FAM110B: variants seen among roughly 807,000 people sequenced by gnomAD.
FAM110B encodes family with sequence similarity 110 member B.
In FAM110B, 6 loss-of-function variants were observed where a neutral mutation model predicts 20.4. That is an observed-to-expected ratio of 0.29 (90% CI 0.16 to 0.58). FAM110B has a LOEUF of 0.58. Ranked by LOEUF, FAM110B falls within the 20% of genes least tolerant of loss-of-function variation. FAM110B has a pLI of 0.90. For missense variants in FAM110B, 434 were observed against 498.2 expected (o/e 0.87, Z 1.23); for synonymous variants, 226 against 214.1 (o/e 1.06, Z -0.49).
chr8:58,022,487 T>G (rs1455570739), intron 1 of FAM110B, among the ~76,000 whole-genome samples: 1 of 152,212 alleles, frequency 6.6e-6, no homozygotes, highest in East Asian at 1.9e-4. Context: ...CTTACTCCAC[T>G]GAACTGTATA....
chr8:58,026,015 A>G (rs922467012), intron 1 of FAM110B, among the ~76,000 whole-genome samples: 2 of 152,204 alleles, frequency 1.3e-5, no homozygotes, highest in Admixed American at 6.5e-5. Context: ...TAGCAACACT[A>G]TACAAGATTC....
chr8:58,119,286 G>A (rs1272726131), intron 3 of FAM110B, among the ~76,000 whole-genome samples: 1 of 152,220 alleles, frequency 6.6e-6, no homozygotes, highest in Non-Finnish European at 1.5e-5. Context: ...CTGAAGGCTG[G>A]AATGTCCAAG....
Position 58,146,950 on chromosome 8 carries a change from G to T in FAM110B, c.720G>T (p.Glu240Asp). Residue 240 changes from glutamate (E) to aspartate (D), a missense_variant, in exon 4 of 4, where the codon GAG becomes GAT. Glu to Asp is a conservative substitution (Grantham distance 45, BLOSUM62 2). Coordinates refer to ENST00000519262, the MANE Select transcript of FAM110B (RefSeq NM_001377989.1). Reference sequence around the variant, plus strand: ...CCATCGCCTCCATGAAGTCCCCCGAGGCCGACCCTGTGGAACCAGCTTGTG... The same window carrying T: ...CCATCGCCTCCATGAAGTCCCCCGATGCCGACCCTGTGGAACCAGCTTGTG... ...IAAIASMKSPEADPVEPACGV... is the reference protein window; with the variant it reads ...IAAIASMKSPDADPVEPACGV... 6.2e-7 allele frequency: 1 copy of T among 1,614,214 alleles called. No individual in the cohort carries two copies. Among genetic ancestry groups the T allele is most frequent in the Non-Finnish European group, 8.5e-7 (1 of 1,180,040 alleles).
intron 1 of FAM110B, among the ~76,000 whole-genome samples, chr8:58,021,615 TG>T (rs1167402679): frequency 2.0e-5 from 3 of 152,168 alleles, no homozygotes; most frequent in Admixed American, 1.3e-4. Context: ...GATTCTAAGT[TG>T]GGGTTGACTA....
intron 1 of FAM110B, among the ~76,000 whole-genome samples, chr8:58,003,851 G>A (rs939525322): frequency 3.3e-5 from 5 of 152,310 alleles, no homozygotes; most frequent in Non-Finnish European, 7.4e-5. Flanking sequence ...TGGTAAGTCA[G>A]CATTGGCTTC....
chr8:58,099,510 T>C (rs984644972), intron 3 of FAM110B, among the ~76,000 whole-genome samples: 2 of 152,248 alleles, frequency 1.3e-5, no homozygotes, highest in Non-Finnish European at 2.9e-5. Context: ...AATTTCAGTA[T>C]ATAAATAAAT....
rs575153108 is a variant in FAM110B at position 58,105,727 on chromosome 8, C to T, written c.-325+30104C>T. ...GGGACTACAGGCACCCACCACCATG[C>T]GTGGCTAATTTTTTGTATTTTTTTA... On this transcript the variant is annotated intron_variant, in intron 3 of 3. Coordinates refer to ENST00000519262, the MANE Select transcript of FAM110B (RefSeq NM_001377989.1). Among the ~76,000 whole-genome samples, 63 of 151,648 alleles carry T rather than the reference C, an allele frequency of 4.2e-4. No individual in the cohort carries two copies. The South Asian group carries it at 6.5e-3, about 16-fold the overall frequency.
chr8:58,101,445 G>T (rs1321958936), intron 3 of FAM110B, among the ~76,000 whole-genome samples: 4 of 152,102 alleles, frequency 2.6e-5, no homozygotes, highest in African/African-American at 9.7e-5. Flanking sequence ...TAAATTAATC[G>T]TTTTTAAACT....
chr8:58,138,163 C>T (rs1016735486), intron 3 of FAM110B, among the ~76,000 whole-genome samples: 3 of 152,222 alleles, frequency 2.0e-5, no homozygotes, highest in Non-Finnish European at 4.4e-5. Context: ...ATCAATGTCC[C>T]CTGGGCATGG....
At chr8:58,065,781 A>G (rs984629249) in intron 2 of FAM110B, among the ~76,000 whole-genome samples, 1 of 152,122 alleles carries the variant, frequency 6.6e-6, no homozygotes, top group Non-Finnish European at 1.5e-5. Flanking sequence ...GTGGGAAGGT[A>G]AGAATACCTA....
At chr8:58,038,564 C>T (rs1805133770) in intron 2 of FAM110B, among the ~76,000 whole-genome samples, 1 of 152,096 alleles carries the variant, frequency 6.6e-6, no homozygotes, top group Admixed American at 6.5e-5. Context: ...CCGGCCTGGC[C>T]AACATGGTGA....
chr8:58,038,389 C>T (rs567853616), intron 2 of FAM110B, among the ~76,000 whole-genome samples: 10 of 152,212 alleles, frequency 6.6e-5, no homozygotes, highest in South Asian at 2.1e-4. Flanking sequence ...GAGGAGAAAA[C>T]GGAGATCATT....
chr8:58,134,268 T>C (rs1403612695), intron 3 of FAM110B, among the ~76,000 whole-genome samples: 1 of 152,254 alleles, frequency 6.6e-6, no homozygotes, highest in African/African-American at 2.4e-5. Flanking sequence ...TTTTTTTAAG[T>C]GAACTCACTG....
intron 3 of FAM110B, among the ~76,000 whole-genome samples, chr8:58,089,919 A>G (rs764633334): frequency 2.6e-5 from 4 of 152,306 alleles, no homozygotes; most frequent in Middle Eastern, 3.4e-3. Context: ...CTCATACATT[A>G]GCAGGATTCA....
intron 2 of FAM110B, among the ~76,000 whole-genome samples, chr8:58,075,129 A>G (rs1806000875): frequency 6.7e-6 from 1 of 149,758 alleles, no homozygotes; most frequent in South Asian, 2.1e-4. Flanking sequence ...TTTTTGAGAC[A>G]GAGTCTCGCT....
chr8:58,036,314 A>G (rs1006947065), intron 2 of FAM110B, among the ~76,000 whole-genome samples: 4 of 152,214 alleles, frequency 2.6e-5, no homozygotes, highest in Non-Finnish European at 5.9e-5. Context: ...TTTGCATTTC[A>G]CAGGAGAGAG....
intron 3 of FAM110B, among the ~76,000 whole-genome samples, chr8:58,100,468 C>T (rs1435240280): frequency 6.6e-6 from 1 of 152,230 alleles, no homozygotes; most frequent in African/African-American, 2.4e-5. Context: ...TTTTGTCTCA[C>T]AGCGCTGGAG....
intron 1 of FAM110B, among the ~76,000 whole-genome samples, chr8:58,018,839 T>C (rs1348409385): frequency 6.6e-6 from 1 of 152,076 alleles, no homozygotes; most frequent in Non-Finnish European, 1.5e-5. Flanking sequence ...GATAGATAGA[T>C]AGATAGATAG....
intron 1 of FAM110B, among the ~76,000 whole-genome samples, chr8:57,995,131 C>CTGGAGCCGGGGT (rs1338287068): frequency 1.1e-4 from 16 of 152,180 alleles, no homozygotes; most frequent in Admixed American, 5.9e-4. Context: ...GGGGCCGGGG[C>CTGGAGCCGGGGT]TGGAGCCGGG....
Sources: allele counts gnomAD v4.1 joint callset (sites outside exome capture counted in the v4.1 genomes callset), GRCh38; gene constraint gnomAD v4.1.1; transcripts MANE v1.5; gene names NCBI Gene and HGNC (gene_info 2026-07-23, HGNC 2026-07-21).